TXNRD2: variants seen among roughly 807,000 people sequenced by gnomAD.
TXNRD2 encodes the protein thioredoxin reductase 2.
TXNRD2 carries 67 observed loss-of-function variants against 70.8 expected under a neutral mutation model. That is an observed-to-expected ratio of 0.95 (90% CI 0.78 to 1.16). The LOEUF is 1.16. TXNRD2 is among the 50% of genes most tolerant of loss of function. The pLI is 0.00. For synonymous variants in TXNRD2, 301 were observed against 295.8 expected, an observed-to-expected ratio of 1.02 and a Z score of -0.18; for missense variants, 644 against 719.9, an observed-to-expected ratio of 0.89 and a Z score of 1.21.
intron 11 of TXNRD2, chr22:19,884,163 A>AT (rs1938918259): frequency 6.5e-6 from 1 of 152,768 alleles, no homozygotes; most frequent in Admixed American, 6.5e-5. Context: ...AGAAAAAAGA[A>AT]TGTCCACTTA....
chr22:19,877,387 G>A (rs568144557), intron 16 of TXNRD2, among the ~76,000 whole-genome samples, 153 bp from the exon 17 acceptor site: 66 of 152,078 alleles, frequency 4.3e-4, no homozygotes, highest in African/African-American at 1.5e-3. Flanking sequence ...GCCCACACCC[G>A]TGGGTGCCAT....
At chr22:19,892,346 C>T (rs1426689921) in intron 11 of TXNRD2, among the ~76,000 whole-genome samples, 3 of 152,254 alleles carry the variant, frequency 2.0e-5, no homozygotes, top group Non-Finnish European at 4.4e-5. Flanking sequence ...AGCACATGCC[C>T]GAGCGGCCCC....
intron 12 of TXNRD2, chr22:19,881,212 C>G (rs2145934345): frequency 4.9e-6 from 2 of 404,054 alleles, no homozygotes; most frequent in East Asian, 7.1e-5. Flanking sequence ...GCTGGAGATC[C>G]CTCCGTCCCA....
Position 19,880,221 on chromosome 22 carries a change from G to C in TXNRD2, c.1233C>G (p.Ser411=), listed in dbSNP as rs35099271. The C allele has an allele frequency of 6.2e-7, 1 of 1,613,714 alleles. No homozygotes were observed. ...TPLEYGCVGL[S]EEEAVARHGQ... Reference sequence around the variant, plus strand: ...CGTGGCGAGCCACTGCCTCCTCCTCGGACAGCCCCACACAGCCATACTCCA... The same window carrying C: ...CGTGGCGAGCCACTGCCTCCTCCTCCGACAGCCCCACACAGCCATACTCCA... Residue 411 remains serine, a synonymous_variant, in exon 14 of 18, where the codon TCC becomes TCG. Transcript: ENST00000400521.
intron 5 of TXNRD2, among the ~76,000 whole-genome samples, chr22:19,917,030 G>A (rs543492250): frequency 2.0e-5 from 3 of 152,320 alleles, no homozygotes; most frequent in African/African-American, 4.8e-5. Flanking sequence ...TCTGAGCTGC[G>A]TGAAGTTCCT....
At position 19,915,827 on chromosome 22, in the gene TXNRD2, T is replaced by C. The variant is rs1245768697; in HGVS notation, c.466A>G (p.Asn156Asp). The C allele has an allele frequency of 1.2e-6, 2 of 1,614,032 alleles. No homozygotes were observed. The highest frequency in any genetic ancestry group is 2.2e-5 in the South Asian group (2 of 91,090). Residue 156 changes from asparagine (N) to aspartate (D), a missense_variant, in exon 6 of 18, where the codon AAC becomes GAC. Physicochemically the swap from Asn to Asp is conservative, Grantham distance 23. Coordinates refer to ENST00000400521, the MANE Select transcript of TXNRD2 (RefSeq NM_006440.5). ...TCGTCAACAAAGCTGGCTTTGATGT[T>C]AAAGTACTTGACTTTTCTGAAAGAT... ...QLQDRKVKYF[N>D]IKASFVDEHT...
intron 8 of TXNRD2, among the ~76,000 whole-genome samples, chr22:19,906,192 CA>C (rs1212329777): frequency 3.9e-5 from 6 of 152,176 alleles, no homozygotes; most frequent in African/African-American, 1.2e-4. Flanking sequence ...GCGATTTGTG[CA>C]GCACACATGG....
chr22:19,903,312 G>A (rs565074969), intron 8 of TXNRD2, among the ~76,000 whole-genome samples: 172 of 152,368 alleles, frequency 1.1e-3, no homozygotes, highest in African/African-American at 3.9e-3. Flanking sequence ...AGGAGGCTGC[G>A]GTCTCATTCA....
chr22:19,883,675 C>T lies in TXNRD2; in HGVS notation c.950-214G>A, dbSNP rs114054391. 4,782 of 629,128 alleles carry T rather than the reference C, an allele frequency of 7.6e-3. 184 individuals carry two copies. Among genetic ancestry groups the T allele is most frequent in the African/African-American group, 0.075 (4,106 of 55,036 alleles). The allele number at this position is 629,128 out of a possible 1,614,324, so 39.0% of individuals were successfully genotyped here. ...CAACATGATGAAACCCTGTCTCAGC[C>T]AGGCGTGATGGCTCATGCCTATAAT... is the stretch of plus-strand genomic sequence containing the variant. On this transcript the variant is annotated intron_variant, in intron 11 of 17. Coordinates refer to ENST00000400521, the MANE Select transcript of TXNRD2 (RefSeq NM_006440.5).
chr22:19,918,599 G>A (rs1479104913), intron 4 of TXNRD2, among the ~76,000 whole-genome samples: 1 of 152,210 alleles, frequency 6.6e-6, no homozygotes, highest in Non-Finnish European at 1.5e-5. Flanking sequence ...GAGATGCACT[G>A]TTCTTGGTGG....
At chr22:19,926,832 C>T (rs116586974) in intron 2 of TXNRD2, among the ~76,000 whole-genome samples, 1,989 of 152,276 alleles carry the variant, frequency 0.013, 33 homozygotes, top group African/African-American at 0.045. Flanking sequence ...AGAACAGACA[C>T]ATCCACGGAT....
At chr22:19,936,508 C>T (rs991010796) in intron 1 of TXNRD2, among the ~76,000 whole-genome samples, 2 of 152,144 alleles carry the variant, frequency 1.3e-5, no homozygotes, top group African/African-American at 2.4e-5. Flanking sequence ...ACAGTCTTTG[C>T]CTCCGGAGCC....
At position 19,895,498 on chromosome 22, in the gene TXNRD2, C is replaced by T. The variant is rs201503021; in HGVS notation, c.858G>A (p.Arg286=). The change falls in exon 11 of 18, where the codon AGG becomes AGA. Residue 286 remains arginine, a synonymous_variant. Transcript: ENST00000400521. ...LRGCAPSRVR[R]LPDGQLQVTW... Reference sequence around the variant, plus strand: ...TGACCTGCAGCTGGCCATCAGGGAGCCTCCTGACCCGCGAGGGGGCACAGC... The same window carrying T: ...TGACCTGCAGCTGGCCATCAGGGAGTCTCCTGACCCGCGAGGGGGCACAGC... 20 of 1,613,912 alleles carry T rather than the reference C, an allele frequency of 1.2e-5. No individual in the cohort carries two copies. In the East Asian group the frequency reaches 3.8e-4, roughly 31 times the overall value.
At chr22:19,922,625 T>C in intron 2 of TXNRD2, among the ~76,000 whole-genome samples, 1 of 152,162 alleles carries the variant, frequency 6.6e-6, no homozygotes, top group East Asian at 1.9e-4. Context: ...CTCTTATGCA[T>C]CTCAACTTGC....
chr22:19,878,934 G>A (rs1392299687), intron 14 of TXNRD2, among the ~76,000 whole-genome samples: 3 of 152,204 alleles, frequency 2.0e-5, no homozygotes, highest in East Asian at 1.9e-4. Context: ...TGAAGGGCTC[G>A]ACAGCGTGTC....
At chr22:19,905,514 C>T (rs1434237826) in intron 8 of TXNRD2, among the ~76,000 whole-genome samples, 1 of 152,182 alleles carries the variant, frequency 6.6e-6, no homozygotes. Flanking sequence ...AGCACCGGGC[C>T]CCCTCCCCAG....
At chr22:19,902,018 G>A (rs148785385) in intron 8 of TXNRD2, among the ~76,000 whole-genome samples, 1 of 152,310 alleles carries the variant, frequency 6.6e-6, no homozygotes, top group Middle Eastern at 3.4e-3. Context: ...GAGCAATACA[G>A]CTTGTCCCCA....
chr22:19,920,685 G>A (rs1367306161), intron 2 of TXNRD2, among the ~76,000 whole-genome samples: 2 of 152,110 alleles, frequency 1.3e-5, no homozygotes, highest in African/African-American at 4.8e-5. Context: ...TCAGGCCTTG[G>A]ACTTGACTGC....
At position 19,895,311 on chromosome 22, in the gene TXNRD2, T is replaced by G. The variant is rs1019367274; in HGVS notation, c.949+96A>C. The G allele has an allele frequency of 1.0e-5, 16 of 1,599,972 alleles. No individual in the cohort carries two copies. In the Admixed American group the frequency reaches 2.5e-4, roughly 25 times the overall value. Reference sequence around the variant, plus strand: ...CCAACCCGCCTGGCAGCCAGCAGGATGGGGGAGCCCTGGGAGGTGACAGGA... The same window carrying G: ...CCAACCCGCCTGGCAGCCAGCAGGAGGGGGGAGCCCTGGGAGGTGACAGGA... On this transcript the variant is annotated intron_variant, in intron 11 of 17. Transcript: ENST00000400521.
Sources: allele counts gnomAD v4.1 joint callset (sites outside exome capture counted in the v4.1 genomes callset), GRCh38; gene constraint gnomAD v4.1.1; transcripts MANE v1.5; gene names NCBI Gene and HGNC (gene_info 2026-07-23, HGNC 2026-07-21).